Variants in POLN observed in about 807,000 individuals in gnomAD.
POLN encodes DNA polymerase N.
A neutral mutation model predicts 113.5 loss-of-function variants in POLN; 108 were observed. The observed-to-expected ratio is 0.95, with a 90% CI of 0.81 to 1.12. POLN has a LOEUF of 1.12. Among genes scored for constraint, POLN ranks in the 50% most tolerant of loss-of-function variants. The probability of loss-of-function intolerance (pLI) is 0.00; values close to 1 mark genes in which losing one functional copy is unlikely to be tolerated. For synonymous variants in POLN, 386 were observed against 391.5 expected (o/e 0.99, Z 0.17); for missense variants, 1,097 against 1,077.1 (o/e 1.02, Z -0.26).
At chr4:2,230,537 C>T (rs1734543279) in intron 2 of POLN, 1 of 151,884 alleles carries the variant, frequency 6.6e-6, no homozygotes, top group East Asian at 1.9e-4. Flanking sequence ...TTTACTGCTA[C>T]AAAATTAAGG....
chr4:2,190,845 G>A (rs949917076), intron 7 of POLN, among the ~76,000 whole-genome samples: 16 of 152,130 alleles, frequency 1.1e-4, no homozygotes, highest in Non-Finnish European at 2.1e-4. Context: ...AATTTAAAAC[G>A]ACTTTCATCA....
At chr4:2,192,164 T>G (rs1027151377) in intron 7 of POLN, among the ~76,000 whole-genome samples, 2 of 150,976 alleles carry the variant, frequency 1.3e-5, no homozygotes, top group Non-Finnish European at 2.9e-5. Context: ...TTGTTGAAAC[T>G]GGGTGATGCC....
At chr4:2,237,270 A>ATT (rs5855728) in intron 2 of POLN, among the ~76,000 whole-genome samples, 52 of 146,196 alleles carry the variant, frequency 3.6e-4, no homozygotes, top group African/African-American at 1.1e-3. Context: ...ATCTCTACAA[A>ATT]TTTTTTTTTT....
chr4:2,091,800 T>TGTGTGC (rs577896956), intron 20 of POLN, among the ~76,000 whole-genome samples: 127 of 144,954 alleles, frequency 8.8e-4, no homozygotes, highest in African/African-American at 2.7e-3. Flanking sequence ...TGTGTGTGTG[T>TGTGTGC]GCGCGCGCTA....
At chr4:2,236,179 A>T (rs751681939) in intron 2 of POLN, 4 of 1,120,616 alleles carry the variant, frequency 3.6e-6, no homozygotes, top group Non-Finnish European at 5.2e-6. Context: ...ATCTTTTACA[A>T]CAAGCATTTT....
At chr4:2,168,295 C>T (rs1008819487) in intron 13 of POLN, among the ~76,000 whole-genome samples, 11 of 152,020 alleles carry the variant, frequency 7.2e-5, no homozygotes, top group East Asian at 1.9e-4. Flanking sequence ...AGGGGACAGG[C>T]GCTGGGGTGA....
intron 13 of POLN, among the ~76,000 whole-genome samples, chr4:2,170,338 G>A (rs997775157): frequency 3.9e-5 from 6 of 152,226 alleles, no homozygotes; most frequent in African/African-American, 1.2e-4. Context: ...TCTGAGGAAA[G>A]GAGAAGACTG....
At chr4:2,220,931 T>C (rs989073890) in intron 3 of POLN, among the ~76,000 whole-genome samples, 3 of 152,192 alleles carry the variant, frequency 2.0e-5, no homozygotes, top group African/African-American at 7.2e-5. Flanking sequence ...TGGGGAATTA[T>C]GAACTTTGTT....
intron 19 of POLN, among the ~76,000 whole-genome samples, chr4:2,111,085 C>T (rs562188708): frequency 8.4e-4 from 128 of 152,294 alleles, no homozygotes; most frequent in African/African-American, 3.0e-3. Flanking sequence ...GCTGGTTCAA[C>T]ATATGAAAAT....
At chr4:2,238,537 A>C in intron 2 of POLN, 2 of 1,053,800 alleles carry the variant, frequency 1.9e-6, no homozygotes, top group Non-Finnish European at 2.6e-6. Flanking sequence ...TTTTAGCTCA[A>C]ACTCTCTCTA....
intron 4 of POLN, among the ~76,000 whole-genome samples, chr4:2,211,087 T>C (rs1560095292): frequency 6.7e-6 from 1 of 148,464 alleles, no homozygotes; most frequent in South Asian, 2.1e-4. Flanking sequence ...CCCATCTCTA[T>C]TAAAAACACA....
chr4:2,073,112 CG>C, intron 24 of POLN, 83 bp from the exon 25 acceptor site: 1 of 1,370,700 alleles, frequency 7.3e-7, no homozygotes, highest in Non-Finnish European at 1.0e-6. Flanking sequence ...CTTTCAGGCC[CG>C]AGTCCTGCCC....
chr4:2,147,643 C>CTTTTTTTTTTTTTTTTTTTTT (rs747184067), intron 16 of POLN, among the ~76,000 whole-genome samples: 1 of 79,358 alleles, frequency 1.3e-5, no homozygotes, highest in Non-Finnish European at 2.6e-5. Flanking sequence ...TTTTTCTTTT[C>CTTTTTTTTTTTTTTTTTTTTT]TTTTTTTTTT....
intron 5 of POLN, among the ~76,000 whole-genome samples, chr4:2,202,852 A>G (rs1190251957): frequency 6.6e-6 from 1 of 152,178 alleles, no homozygotes; most frequent in Admixed American, 6.5e-5. Context: ...AATTTCTAAA[A>G]CAATTAATAG....
At chr4:2,112,712 C>A (rs944744322) in intron 19 of POLN, among the ~76,000 whole-genome samples, 4 of 152,212 alleles carry the variant, frequency 2.6e-5, no homozygotes, top group South Asian at 2.1e-4. Flanking sequence ...GTTAGAATGG[C>A]AATCATTAAA....
chr4:2,124,235 T>C (rs572844635), intron 19 of POLN, among the ~76,000 whole-genome samples: 1 of 152,194 alleles, frequency 6.6e-6, no homozygotes, highest in East Asian at 1.9e-4. Flanking sequence ...GTTTTCTTTT[T>C]GGGGTGATCG....
intron 20 of POLN, chr4:2,090,597 A>T: frequency 2.2e-6 from 1 of 450,438 alleles, no homozygotes; most frequent in Non-Finnish European, 4.2e-6. Context: ...CACAGCCTCG[A>T]ACATTCCGAT....
chr4:2,191,304 T>C (rs999020822), intron 7 of POLN, among the ~76,000 whole-genome samples: 1 of 151,836 alleles, frequency 6.6e-6, no homozygotes, highest in Admixed American at 6.6e-5. Flanking sequence ...GAAGGTAGAG[T>C]AGATTGGTGG....
intron 13 of POLN, among the ~76,000 whole-genome samples, chr4:2,166,167 C>G (rs1732723305): frequency 6.6e-6 from 1 of 152,176 alleles, no homozygotes. Context: ...AATCTACATT[C>G]CTCCCCATGG....
Sources: allele counts gnomAD v4.1 joint callset (sites outside exome capture counted in the v4.1 genomes callset), GRCh38; gene constraint gnomAD v4.1.1; transcripts MANE v1.5; gene names NCBI Gene and HGNC (gene_info 2026-07-23, HGNC 2026-07-21).